BABAM2: variants seen among roughly 807,000 people sequenced by gnomAD.
BABAM2 encodes BRISC and BRCA1 A complex member 2, also known as BRISC and BRCA1-A complex member 2.
BABAM2 carries 31 observed loss-of-function variants against 54.7 expected under a neutral mutation model. The ratio of observed to expected loss-of-function variants is 0.57; its 90% CI spans 0.43 to 0.77. BABAM2 has a LOEUF of 0.77. Among genes scored for constraint, BABAM2 ranks in the 30% least tolerant of loss-of-function variants. The probability of loss-of-function intolerance (pLI) is 0.00; values close to 1 mark genes in which losing one functional copy is unlikely to be tolerated. For synonymous variants in BABAM2, 167 were observed against 162.9 expected (o/e 1.03, Z -0.19); for missense variants, 364 against 455.8 (o/e 0.80, Z 1.83).
intron 2 of BABAM2, among the ~76,000 whole-genome samples, chr2:27,916,431 A>T (rs1355904755): frequency 6.6e-6 from 1 of 152,250 alleles, no homozygotes; most frequent in African/African-American, 2.4e-5. Flanking sequence ...ATTTACTAAT[A>T]TGAGTAATAA....
intron 3 of BABAM2, among the ~76,000 whole-genome samples, chr2:27,938,136 G>T (rs1403458467): frequency 6.6e-6 from 1 of 151,878 alleles, no homozygotes; most frequent in Admixed American, 6.6e-5. Flanking sequence ...TTTATTTCTG[G>T]GCTTTCCATT....
At chr2:27,967,666 A>T (rs1252903046) in intron 3 of BABAM2, among the ~76,000 whole-genome samples, 2 of 152,154 alleles carry the variant, frequency 1.3e-5, no homozygotes, top group Non-Finnish European at 2.9e-5. Flanking sequence ...GACGCTTTGG[A>T]ACTTCCTAGA....
chr2:27,890,192 G>C (rs1271018175), upstream of BABAM2: 1 of 1,500,978 alleles, frequency 6.7e-7, no homozygotes, highest in Non-Finnish European at 9.2e-7. This position sits in a 1 kb window ranked among gnomAD's most constrained non-coding sequence, Gnocchi z 4.8. Flanking sequence ...AGCTCCACTG[G>C]GCGCATAGCG....
chr2:28,167,543 A>C (rs966135999), intron 7 of BABAM2, among the ~76,000 whole-genome samples: 2 of 152,060 alleles, frequency 1.3e-5, no homozygotes, highest in East Asian at 3.9e-4. Flanking sequence ...AAAATACAAA[A>C]ATTAGCCAGA....
intron 6 of BABAM2, among the ~76,000 whole-genome samples, chr2:28,073,858 T>C (rs1664400251): frequency 6.6e-6 from 1 of 152,148 alleles, no homozygotes; most frequent in East Asian, 1.9e-4. Context: ...CAAAGAGTGC[T>C]ACAGTGAATA....
chr2:27,917,234 T>G (rs1251376163), intron 2 of BABAM2, among the ~76,000 whole-genome samples: 6 of 152,112 alleles, frequency 3.9e-5, no homozygotes, highest in African/African-American at 1.4e-4. Flanking sequence ...GCCAGGATGG[T>G]CTTGATCTCT....
intron 2 of BABAM2, among the ~76,000 whole-genome samples, chr2:27,900,368 C>CTT (rs557118072): frequency 2.9e-5 from 4 of 138,152 alleles, no homozygotes; most frequent in African/African-American, 8.0e-5. Flanking sequence ...AGCAAGATTT[C>CTT]TTTTTTTTTT....
At chr2:28,204,224 C>T (rs1040531468) in intron 7 of BABAM2, among the ~76,000 whole-genome samples, 5 of 151,892 alleles carry the variant, frequency 3.3e-5, no homozygotes, top group African/African-American at 4.8e-5. Context: ...CTGTAATGTC[C>T]GTCTTTGAAC....
chr2:28,207,885 A>G (rs1028634336), intron 7 of BABAM2, among the ~76,000 whole-genome samples: 3 of 152,064 alleles, frequency 2.0e-5, no homozygotes, highest in Admixed American at 6.6e-5. Flanking sequence ...AGGACCCTCA[A>G]TTTTTTTGTT....
At chr2:28,109,628 A>G (rs1667829898) in intron 6 of BABAM2, among the ~76,000 whole-genome samples, 1 of 152,102 alleles carries the variant, frequency 6.6e-6, no homozygotes, top group South Asian at 2.1e-4. Flanking sequence ...ATACCATTAT[A>G]CCAATGGCAC....
Position 28,283,042 on chromosome 2 carries a change from C to T in BABAM2, c.935-15296C>T, listed in dbSNP as rs555015078. Among the ~76,000 whole-genome samples, 6 of 119,768 alleles carry T rather than the reference C, an allele frequency of 5.0e-5. No homozygotes were observed. In the South Asian group the frequency reaches 1.3e-3, roughly 25 times the overall value. 78.6% of individuals were successfully genotyped at this position (119,768 alleles called of 152,430 possible). Reference sequence around the variant, plus strand: ...AAGGAATGAAAACAAAACAAAAAACCCCATGCCTAACTATTATCTGTAGTA... The same window carrying T: ...AAGGAATGAAAACAAAACAAAAAACTCCATGCCTAACTATTATCTGTAGTA... On this transcript the variant is annotated intron_variant, in intron 10 of 11. Coordinates refer to ENST00000379624, the MANE Select transcript of BABAM2 (RefSeq NM_199191.3).
chr2:28,043,659 G>A lies in BABAM2; in HGVS notation c.496-2066G>A, dbSNP rs146826618. Among the ~76,000 whole-genome samples the A allele has an allele frequency of 7.1e-3, 1,087 of 152,232 alleles. 7 individuals carry two copies. The highest frequency in any genetic ancestry group is 0.013 in the South Asian group (65 of 4,824). On this transcript the variant is annotated intron_variant, in intron 5 of 11. Transcript: ENST00000379624. The stretch of plus-strand genomic sequence containing the variant: ...ACCTTTTTAGGTTTAGCTGTGTCTT[G>A]ATCCAAAGAACCACACTTACCAGAG...
chr2:28,045,622 A>G, intron 5 of BABAM2, 103 bp from the exon 6 acceptor site: 1 of 872,008 alleles, frequency 1.1e-6, no homozygotes, highest in Non-Finnish European at 1.7e-6. Flanking sequence ...CAAATTGAAG[A>G]TGCCTGCATT....
chr2:28,086,326 T>C (rs1665636049), intron 6 of BABAM2, among the ~76,000 whole-genome samples: 1 of 152,178 alleles, frequency 6.6e-6, no homozygotes, highest in Non-Finnish European at 1.5e-5. Context: ...TGTCTTTGAG[T>C]TCGTAGAACA....
At chr2:28,102,474 C>T (rs1031355092) in intron 6 of BABAM2, among the ~76,000 whole-genome samples, 1 of 152,066 alleles carries the variant, frequency 6.6e-6, no homozygotes, top group African/African-American at 2.4e-5. Flanking sequence ...CATTTCAAGC[C>T]CCTGTGTCTT....
chr2:28,113,520 G>C (rs1668325975), intron 6 of BABAM2, among the ~76,000 whole-genome samples: 1 of 152,076 alleles, frequency 6.6e-6, no homozygotes, highest in South Asian at 2.1e-4. Flanking sequence ...TATCTATTTT[G>C]GTACCAGTAC....
intron 7 of BABAM2, among the ~76,000 whole-genome samples, chr2:28,139,155 C>T (rs559994239): frequency 5.9e-5 from 9 of 151,532 alleles, no homozygotes; most frequent in African/African-American, 1.9e-4. Context: ...CAGCTGGGCG[C>T]AATGGCTCAC....
chr2:28,278,097 A>G (rs1191564531), intron 10 of BABAM2, among the ~76,000 whole-genome samples: 3 of 152,224 alleles, frequency 2.0e-5, no homozygotes, highest in Non-Finnish European at 4.4e-5. Context: ...GATTTTTAGG[A>G]TAAGTGAGTT....
chr2:27,899,788 TAACTGCCTGAAAAATATGTG>T (rs1266241748), intron 2 of BABAM2, among the ~76,000 whole-genome samples: 1 of 152,170 alleles, frequency 6.6e-6, no homozygotes, highest in Non-Finnish European at 1.5e-5. Context: ...TTTTCTGGAT[TAACTGCCTGAAAAATATGTG>T]ATATGGCATT....
Sources: gnomAD v4.1 joint callset for allele counts (sites outside exome capture counted in the v4.1 genomes callset) on GRCh38, gnomAD v4.1.1 for gene constraint, Gnocchi (gnomAD v3.1) non-coding constraint, MANE v1.5 for transcripts, NCBI Gene and HGNC (gene_info 2026-07-23, HGNC 2026-07-21) for gene names.